Variants in CNTNAP2 observed in about 807,000 individuals in gnomAD.
CNTNAP2 encodes contactin-associated protein-like 2.
A neutral mutation model predicts 155.2 loss-of-function variants in CNTNAP2; 98 were observed. The observed-to-expected ratio is 0.63, with a 90% CI of 0.54 to 0.75. The LOEUF (loss-of-function observed/expected upper bound fraction) is 0.75. Ranked by LOEUF, CNTNAP2 falls within the 30% of genes least tolerant of loss-of-function variation. The pLI, the probability that CNTNAP2 is intolerant of heterozygous loss-of-function variation, is 0.00. For missense variants in CNTNAP2, 1,727 were observed against 1,688.1 expected, an observed-to-expected ratio of 1.02 and a Z score of -0.40; for synonymous variants, 651 against 631.2, an observed-to-expected ratio of 1.03 and a Z score of -0.47.
At chr7:146,357,996 CTTTATTTA>C (rs889037369) in intron 1 of CNTNAP2, among the ~76,000 whole-genome samples, 1 of 150,244 alleles carries the variant, frequency 6.7e-6, no homozygotes, top group African/African-American at 2.5e-5. Flanking sequence ...TTCTGGGCAG[CTTTATTTA>C]TTTATTTATT....
chr7:147,448,849 CT>C (rs1797784904), intron 10 of CNTNAP2, among the ~76,000 whole-genome samples: 1 of 152,042 alleles, frequency 6.6e-6, no homozygotes, highest in Non-Finnish European at 1.5e-5. Flanking sequence ...CCTTGGGTGA[CT>C]TATTTTATTG....
intron 1 of CNTNAP2, among the ~76,000 whole-genome samples, chr7:146,706,917 T>TA (rs778959277): frequency 0.13 from 16,186 of 126,710 alleles, 2,403 homozygotes; most frequent in African/African-American, 0.35. Context: ...ACTTAAAAGT[T>TA]AAAAAAAAAA....
chr7:148,151,035 C>A (rs1384993425), intron 17 of CNTNAP2, among the ~76,000 whole-genome samples: 1 of 152,004 alleles, frequency 6.6e-6, no homozygotes, highest in African/African-American at 2.4e-5. Flanking sequence ...CAATATTAGA[C>A]ATTTTTTATT....
chr7:147,073,558 G>C (rs1799939645), intron 4 of CNTNAP2, among the ~76,000 whole-genome samples: 1 of 152,188 alleles, frequency 6.6e-6, no homozygotes, highest in Non-Finnish European at 1.5e-5. Context: ...GGTGAGAATA[G>C]AGGGTGAGAA....
chr7:147,432,407 T>C (rs547248348), intron 10 of CNTNAP2, among the ~76,000 whole-genome samples: 16 of 152,194 alleles, frequency 1.1e-4, no homozygotes, highest in Non-Finnish European at 2.1e-4. Flanking sequence ...TTTTAAAAAA[T>C]AGAAATCATG....
At chr7:147,747,828 G>C (rs1797069804) in intron 13 of CNTNAP2, among the ~76,000 whole-genome samples, 1 of 152,156 alleles carries the variant, frequency 6.6e-6, no homozygotes, top group African/African-American at 2.4e-5. Flanking sequence ...TTTCTAATCA[G>C]TCTGGGACAA....
intron 12 of CNTNAP2, among the ~76,000 whole-genome samples, chr7:147,612,697 A>C (rs896023317): frequency 1.3e-5 from 2 of 151,982 alleles, no homozygotes; most frequent in African/African-American, 4.8e-5. Flanking sequence ...CACCACACCC[A>C]GTCAAGCTTA....
chr7:146,979,177 C>G (rs1229285011), intron 3 of CNTNAP2, among the ~76,000 whole-genome samples: 1 of 152,158 alleles, frequency 6.6e-6, no homozygotes, highest in East Asian at 1.9e-4. Flanking sequence ...TCCCAGTTGT[C>G]TTTACTCTAA....
intron 12 of CNTNAP2, among the ~76,000 whole-genome samples, chr7:147,568,954 T>C (rs1800230236): frequency 6.6e-6 from 1 of 152,178 alleles, no homozygotes; most frequent in African/African-American, 2.4e-5. Flanking sequence ...ATAACTCCCT[T>C]TGCATTCATT....
intron 21 of CNTNAP2, among the ~76,000 whole-genome samples, chr7:148,303,401 C>T (rs545281237): frequency 8.5e-5 from 13 of 152,256 alleles, no homozygotes; most frequent in African/African-American, 1.2e-4. Flanking sequence ...GGTGGACAGC[C>T]AACACGCCAT....
intron 1 of CNTNAP2, among the ~76,000 whole-genome samples, chr7:146,566,670 C>T (rs1798361822): frequency 6.6e-6 from 1 of 151,614 alleles, no homozygotes; most frequent in Non-Finnish European, 1.5e-5. Context: ...GCACTCCAGC[C>T]TGGGCGACAG....
intron 1 of CNTNAP2, among the ~76,000 whole-genome samples, chr7:146,720,641 A>C (rs748413876): frequency 6.6e-6 from 1 of 151,594 alleles, no homozygotes; most frequent in African/African-American, 2.4e-5. Context: ...TAGAAATGAC[A>C]CCTATTTTGG....
intron 1 of CNTNAP2, among the ~76,000 whole-genome samples, chr7:146,437,891 T>C (rs1266747916): frequency 1.3e-5 from 2 of 151,004 alleles, no homozygotes; most frequent in Non-Finnish European, 1.5e-5. Context: ...GTTTTTTTTT[T>C]TGTTTGTTTT....
intron 15 of CNTNAP2, among the ~76,000 whole-genome samples, chr7:148,085,446 A>G (rs73470291): frequency 0.012 from 1,798 of 152,268 alleles, 36 homozygotes; most frequent in African/African-American, 0.042. Context: ...AATCTCTTCT[A>G]TTAAATATAC....
intron 9 of CNTNAP2, among the ~76,000 whole-genome samples, chr7:147,339,166 T>C (rs1795713877): frequency 6.6e-6 from 1 of 150,860 alleles, no homozygotes. Flanking sequence ...TAACTATTGC[T>C]ATTGCTGTGG....
chr7:146,710,772 T>C (rs1801052903), intron 1 of CNTNAP2, among the ~76,000 whole-genome samples: 1 of 152,122 alleles, frequency 6.6e-6, no homozygotes, highest in South Asian at 2.1e-4. Flanking sequence ...GAGCAATCAC[T>C]AATTTAAAAT....
chr7:147,463,018 T>C (rs1483570912), intron 10 of CNTNAP2, among the ~76,000 whole-genome samples: 1 of 152,230 alleles, frequency 6.6e-6, no homozygotes, highest in East Asian at 1.9e-4. Flanking sequence ...GTTCCATCTT[T>C]ACTAAAACAA....
intron 8 of CNTNAP2, among the ~76,000 whole-genome samples, chr7:147,231,003 A>G (rs894791447): frequency 1.3e-5 from 2 of 152,246 alleles, no homozygotes; most frequent in Non-Finnish European, 2.9e-5. Flanking sequence ...CAATCATGGT[A>G]GAAGGCAGAA....
chr7:147,361,756 A>G (rs1352860256), intron 9 of CNTNAP2, among the ~76,000 whole-genome samples: 2 of 152,188 alleles, frequency 1.3e-5, no homozygotes, highest in Non-Finnish European at 2.9e-5. Flanking sequence ...AAACTTACTC[A>G]ATAAGATAAG....
Sources: gnomAD v4.1 joint callset for allele counts (sites outside exome capture counted in the v4.1 genomes callset) on GRCh38, gnomAD v4.1.1 for gene constraint, MANE v1.5 for transcripts, NCBI Gene and HGNC (gene_info 2026-07-23, HGNC 2026-07-21) for gene names.